CELA3B: variants seen among roughly 807,000 people sequenced by gnomAD.
CELA3B encodes chymotrypsin-like elastase family member 3B.
CELA3B carries 34 observed loss-of-function variants against 37.2 expected under a neutral mutation model. The ratio of observed to expected loss-of-function variants is 0.91; its 90% CI spans 0.70 to 1.22. The LOEUF is 1.22. Ranked by LOEUF, CELA3B falls within the 50% of genes most tolerant of loss-of-function variation. The probability of loss-of-function intolerance (pLI) is 0.00; values close to 1 mark genes in which losing one functional copy is unlikely to be tolerated. For synonymous variants in CELA3B, 127 were observed against 143.5 expected (o/e 0.89, Z 0.82); for missense variants, 340 against 363.1 (o/e 0.94, Z 0.52).
At chr1:21,979,248 T>G (rs183668701) in intron 2 of CELA3B, among the ~76,000 whole-genome samples, 4 of 151,106 alleles carry the variant, frequency 2.6e-5, no homozygotes, top group Admixed American at 2.6e-4. Context: ...AATTCTGTAT[T>G]TTTAGTAGAG....
intron 4 of CELA3B, among the ~76,000 whole-genome samples, chr1:21,997,139 C>A (rs1644893892): frequency 6.8e-6 from 1 of 146,566 alleles, no homozygotes; most frequent in Admixed American, 6.8e-5. Context: ...GCGGGCAGAT[C>A]ATTTGAAGTC....
chr1:21,987,869 C>T (rs1046394253), intron 7 of CELA3B: 22 of 151,548 alleles, frequency 1.5e-4, no homozygotes, highest in Admixed American at 1.1e-3. Context: ...GAGATTAGCA[C>T]GGCCCCTGCG....
At chr1:21,992,387 T>C (rs1278282321), downstream of CELA3B, among the ~76,000 whole-genome samples, 2 of 151,642 alleles carry the variant, frequency 1.3e-5, no homozygotes, top group Non-Finnish European at 2.9e-5. Context: ...CTGGACAACA[T>C]AGTGAGACCC....
At position 21,981,094 on chromosome 1, in the gene CELA3B, G is replaced by C; in HGVS notation, c.284G>C (p.Gly95Ala). The C allele has an allele frequency of 6.2e-7, 1 of 1,613,672 alleles. No individual in the cohort carries two copies. Among genetic ancestry groups the C allele is most frequent in the South Asian group, 1.1e-5 (1 of 91,058 alleles). ...GAGTACGACCGTGCTGTGAAGGAGGGCCCCGAGCAGGTGATCCCCATCAAC... is the reference window on the plus strand; with the variant it reads ...GAGTACGACCGTGCTGTGAAGGAGGCCCCCGAGCAGGTGATCCCCATCAAC... ...LGEYDRAVKE[G>A]PEQVIPINSG... The change falls in exon 4 of 8, where the codon GGC becomes GCC. Residue 95 changes from glycine (G) to alanine (A), a missense_variant. Transcript: ENST00000337107.
chr1:21,986,876 C>T (rs1569848159), intron 7 of CELA3B, 193 bp downstream of exon 7: 1 of 646,488 alleles, frequency 1.5e-6, no homozygotes, highest in Non-Finnish European at 2.7e-6. Flanking sequence ...TTGATGGCTT[C>T]TGGGTGGTGC....
chr1:21,988,962 C>CAT (rs1644856737), intron 7 of CELA3B, among the ~76,000 whole-genome samples: 4 of 151,804 alleles, frequency 2.6e-5, no homozygotes, highest in Non-Finnish European at 5.9e-5. Context: ...TATATACACA[C>CAT]ACAGACGTAT....
chr1:21,985,527 C>G (rs964190932), intron 6 of CELA3B, among the ~76,000 whole-genome samples: 4 of 151,844 alleles, frequency 2.6e-5, no homozygotes, highest in Non-Finnish European at 5.9e-5. Flanking sequence ...ATCCTCCTGC[C>G]TTGGCCTTCC....
intron 5 of CELA3B, 54 bp downstream of exon 5, chr1:21,983,884 CT>C (rs1320908733): frequency 4.4e-6 from 7 of 1,588,798 alleles, no homozygotes; most frequent in Admixed American, 1.8e-5. Flanking sequence ...AAGACAGGGC[CT>C]GGGGGCTGCA....
chr1:21,990,935 C>A (rs1644866587), downstream of CELA3B, among the ~76,000 whole-genome samples: 1 of 70,524 alleles, frequency 1.4e-5, no homozygotes, highest in Non-Finnish European at 3.5e-5. Flanking sequence ...TCTCTTTCCT[C>A]ATATTTCTCT....
In CELA3B at chr1:21,989,175, A is replaced by G. The variant is rs574429074; in HGVS notation, c.796-87A>G. 73 of 1,582,150 alleles carry G rather than the reference A, an allele frequency of 4.6e-5. 2 individuals carry two copies. In the African/African-American group the frequency reaches 9.5e-4, roughly 20 times the overall value. Reference sequence around the variant, plus strand: ...AATTCCTCTCCCAGGGTCACACAGCAGGGCTGGAAGTTGAACCCAGTTTCA... The same window carrying G: ...AATTCCTCTCCCAGGGTCACACAGCGGGGCTGGAAGTTGAACCCAGTTTCA... On this transcript the variant is annotated intron_variant, in intron 7 of 7. Transcript: ENST00000337107.
chr1:21,997,532 C>A (rs369556204), intron 4 of CELA3B, among the ~76,000 whole-genome samples: 4 of 150,186 alleles, frequency 2.7e-5, no homozygotes, highest in African/African-American at 9.9e-5. Flanking sequence ...TACTAAAAAT[C>A]CAAAAATTAG....
At chr1:21,995,203 G>A (rs1644885485) in intron 4 of CELA3B, among the ~76,000 whole-genome samples, 2 of 145,832 alleles carry the variant, frequency 1.4e-5, no homozygotes, top group South Asian at 4.3e-4. Flanking sequence ...GAGTGCAGTG[G>A]CATGACCTCA....
intron 7 of CELA3B, chr1:21,987,070 C>A: frequency 5.4e-6 from 2 of 371,038 alleles, no homozygotes; most frequent in East Asian, 7.5e-5. Context: ...GGAGTCCAGG[C>A]CCCAGACTTC....
chr1:21,988,747 A>G (rs1480365065), intron 7 of CELA3B, among the ~76,000 whole-genome samples: 3 of 150,034 alleles, frequency 2.0e-5, no homozygotes, highest in Non-Finnish European at 3.0e-5. Context: ...AAAATTAGCC[A>G]GGCATGGTGG....
At chr1:21,995,381 G>A (rs894146525) in intron 4 of CELA3B, among the ~76,000 whole-genome samples, 2 of 150,958 alleles carry the variant, frequency 1.3e-5, no homozygotes, top group Non-Finnish European at 2.9e-5. Context: ...CTCGTGATCT[G>A]TCTGCCTCGG....
intron 7 of CELA3B, among the ~76,000 whole-genome samples, chr1:21,988,971 A>G (rs982302162): frequency 2.3e-4 from 35 of 151,980 alleles, no homozygotes; most frequent in East Asian, 3.8e-4. Flanking sequence ...ACACAGACGT[A>G]TATATATACA....
At position 21,986,538 on chromosome 1, in the gene CELA3B, C is replaced by A; in HGVS notation, c.650C>A (p.Ser217Tyr). The A allele has an allele frequency of 6.2e-7, 1 of 1,614,062 alleles. No homozygotes were observed. Among genetic ancestry groups the A allele is most frequent in the South Asian group, 1.1e-5 (1 of 91,080 alleles). The change falls in exon 7 of 8, where the codon TCT becomes TAT. Residue 217 changes from serine (S) to tyrosine (Y), a missense_variant. Coordinates refer to ENST00000337107, the MANE Select transcript of CELA3B (RefSeq NM_007352.4). Reference protein sequence around the residue: ...GDIRSGCNGDSGGPLNCPTED... With the variant: ...GDIRSGCNGDYGGPLNCPTED... The stretch of plus-strand genomic sequence containing the variant: ...CCTCTCTGACGGTTCCAGGGTGACT[C>A]TGGAGGACCCCTCAACTGCCCCACA...
intron 2 of CELA3B, among the ~76,000 whole-genome samples, chr1:21,980,311 G>T (rs1284323829): frequency 2.6e-5 from 4 of 150,950 alleles, no homozygotes; most frequent in Admixed American, 6.6e-5. Context: ...GAAACTCCGT[G>T]TCTACTAAAA....
At chr1:21,989,897 C>T (rs1262684210), downstream of CELA3B, among the ~76,000 whole-genome samples, 1 of 150,348 alleles carries the variant, frequency 6.7e-6, no homozygotes, top group Non-Finnish European at 1.5e-5. Context: ...TGTGTTCATA[C>T]TGCTATAAAG....
Sources: gnomAD v4.1 joint callset for allele counts (sites outside exome capture counted in the v4.1 genomes callset) on GRCh38, gnomAD v4.1.1 for gene constraint, MANE v1.5 for transcripts, NCBI Gene and HGNC (gene_info 2026-07-23, HGNC 2026-07-21) for gene names.